The following PTPRN2 variants were observed in gnomAD, a reference collection of about 807,000 sequenced individuals.
The protein encoded by PTPRN2 is receptor-type tyrosine-protein phosphatase N2.
Under a neutral mutation model 118.8 loss-of-function variants are expected in PTPRN2, and 74 were observed. The ratio of observed to expected loss-of-function variants is 0.62; its 90% CI spans 0.52 to 0.76. The LOEUF is 0.76. Among genes scored for constraint, PTPRN2 ranks in the 30% least tolerant of loss-of-function variants. The probability of loss-of-function intolerance (pLI) is 0.00; values close to 1 mark genes in which losing one functional copy is unlikely to be tolerated. For synonymous variants in PTPRN2, 641 were observed against 608.0 expected (o/e 1.05, Z -0.80); for missense variants, 1,481 against 1,394.4 (o/e 1.06, Z -0.99).
rs1798684374 is a variant in PTPRN2, at chr7:158,273,560, AGCCGCAGGCACAGGG to A, written c.277+43244_277+43258del. Reference sequence around the variant, plus strand: ...CACGGGGAGCCGCAGACACAGGGGGAGCCGCAGGCACAGGGGGAGCCGCAGACAGACATGGGAGGA... The same window carrying A: ...CACGGGGAGCCGCAGACACAGGGGGAGGAGCCGCAGACAGACATGGGAGGA... On this transcript the variant is annotated intron_variant, in intron 3 of 22. Coordinates refer to ENST00000389418, the MANE Select transcript of PTPRN2 (RefSeq NM_002847.5). Among the ~76,000 whole-genome samples, 6 of 95,284 alleles carry A rather than the reference AGCCGCAGGCACAGGG, an allele frequency of 6.3e-5. 1 individual carries two copies. The highest frequency in any genetic ancestry group is 3.2e-4 in the African/African-American group (6 of 18,868). 62.5% of individuals were successfully genotyped at this position (95,284 alleles called of 152,430 possible).
At chr7:158,308,946 A>G (rs376570402) in intron 3 of PTPRN2, among the ~76,000 whole-genome samples, 14 of 152,328 alleles carry the variant, frequency 9.2e-5, no homozygotes, top group African/African-American at 3.4e-4. Flanking sequence ...AGAAAATTTG[A>G]ATATGCCTAT....
intron 3 of PTPRN2, among the ~76,000 whole-genome samples, chr7:158,246,222 A>C (rs533976148): frequency 6.6e-6 from 1 of 152,044 alleles, no homozygotes; most frequent in Non-Finnish European, 1.5e-5. Context: ...TAAATACCCC[A>C]CATGAATAAA....
chr7:158,223,264 A>C (rs568162016), intron 3 of PTPRN2, among the ~76,000 whole-genome samples: 2 of 152,364 alleles, frequency 1.3e-5, no homozygotes, highest in Non-Finnish European at 2.9e-5. Flanking sequence ...GAATTAAAAC[A>C]AATTCCATAA....
At chr7:158,283,277 G>A (rs776010343) in intron 3 of PTPRN2, among the ~76,000 whole-genome samples, 11 of 152,346 alleles carry the variant, frequency 7.2e-5, no homozygotes, top group Non-Finnish European at 1.0e-4. Flanking sequence ...GAAATGAACC[G>A]AGGCTGTGAG....
At chr7:158,046,263 T>C (rs1253033241) in intron 11 of PTPRN2, among the ~76,000 whole-genome samples, 2 of 147,328 alleles carry the variant, frequency 1.4e-5, no homozygotes, top group Non-Finnish European at 3.0e-5. Context: ...CACTGCCTTG[T>C]TCTGTCCAGG....
intron 2 of PTPRN2, among the ~76,000 whole-genome samples, chr7:158,455,862 G>GGATGGATGCCATCGGCCATGGC (rs1818431867): frequency 6.7e-6 from 1 of 148,630 alleles, no homozygotes; most frequent in Non-Finnish European, 1.5e-5. Context: ...GAACATAACA[G>GGATGGATGCCATCGGCCATGGC]CACGGATGCC....
chr7:157,899,788 A>ATAAC (rs1259532898), intron 11 of PTPRN2, among the ~76,000 whole-genome samples: 1 of 152,198 alleles, frequency 6.6e-6, no homozygotes, highest in East Asian at 1.9e-4. Flanking sequence ...TTTTCTACAT[A>ATAAC]TAACTAATTA....
intron 2 of PTPRN2, among the ~76,000 whole-genome samples, chr7:158,433,362 C>T (rs954430591): frequency 1.5e-4 from 23 of 152,120 alleles, no homozygotes; most frequent in African/African-American, 5.6e-4. Context: ...TCCACAGATA[C>T]GAACCAAGCT....
At chr7:158,212,904 A>C (rs936316470) in intron 3 of PTPRN2, among the ~76,000 whole-genome samples, 2 of 152,244 alleles carry the variant, frequency 1.3e-5, no homozygotes, top group Admixed American at 1.3e-4. Flanking sequence ...AAATGTTATG[A>C]CAAAGAGCTT....
intron 2 of PTPRN2, among the ~76,000 whole-genome samples, chr7:158,375,710 G>T (rs1459763055): frequency 6.6e-6 from 1 of 152,192 alleles, no homozygotes; most frequent in Admixed American, 6.5e-5. Flanking sequence ...CAAGCCCCAG[G>T]CTCCACTAGT....
At chr7:158,332,355 C>T (rs112118845) in intron 2 of PTPRN2, among the ~76,000 whole-genome samples, 3 of 150,400 alleles carry the variant, frequency 2.0e-5, no homozygotes, top group African/African-American at 7.4e-5. Flanking sequence ...ACACTCACAC[C>T]CACACTCTCA....
At chr7:158,477,055 A>G (rs1485132230) in intron 2 of PTPRN2, among the ~76,000 whole-genome samples, 3 of 152,210 alleles carry the variant, frequency 2.0e-5, no homozygotes, top group African/African-American at 4.8e-5. Flanking sequence ...ATTCGTTTCC[A>G]TCTCCTTTTA....
chr7:158,212,804 A>G (rs991965250), intron 3 of PTPRN2, among the ~76,000 whole-genome samples: 1 of 152,190 alleles, frequency 6.6e-6, no homozygotes, highest in Non-Finnish European at 1.5e-5. Context: ...CAGCAATTGG[A>G]ATGGAATAAG....
intron 12 of PTPRN2, among the ~76,000 whole-genome samples, chr7:157,710,706 C>A (rs1369375239): frequency 2.0e-5 from 3 of 152,216 alleles, no homozygotes; most frequent in Non-Finnish European, 2.9e-5. Context: ...TGGACTGGTG[C>A]CTACTGCCTG....
intron 14 of PTPRN2, among the ~76,000 whole-genome samples, chr7:157,653,096 G>A (rs1805780552): frequency 6.6e-6 from 1 of 152,216 alleles, no homozygotes; most frequent in African/African-American, 2.4e-5. Flanking sequence ...CTCCGCTCTT[G>A]GTGCTGAGCC....
At chr7:158,245,840 G>C (rs1043799591) in intron 3 of PTPRN2, among the ~76,000 whole-genome samples, 1 of 152,074 alleles carries the variant, frequency 6.6e-6, no homozygotes, top group East Asian at 1.9e-4. Context: ...CGCCAACCCC[G>C]GTGCCATGGT....
intron 1 of PTPRN2, among the ~76,000 whole-genome samples, chr7:158,528,530 T>C (rs1466361333): frequency 6.6e-6 from 1 of 151,772 alleles, no homozygotes; most frequent in Non-Finnish European, 1.5e-5. Context: ...CTCACACCTG[T>C]AATCCCAGCA....
At chr7:158,326,180 C>G (rs1200334765) in intron 2 of PTPRN2, among the ~76,000 whole-genome samples, 4 of 152,238 alleles carry the variant, frequency 2.6e-5, no homozygotes, top group African/African-American at 9.6e-5. Context: ...TGTGCTTCTT[C>G]AAGCTGGTCT....
At chr7:158,338,656 C>T in intron 2 of PTPRN2, among the ~76,000 whole-genome samples, 1 of 41,544 alleles carries the variant, frequency 2.4e-5, no homozygotes, top group Non-Finnish European at 4.2e-5. Flanking sequence ...CTGATGCCTG[C>T]AGACGTCACT....
Sources: gnomAD v4.1 joint callset for allele counts (sites outside exome capture counted in the v4.1 genomes callset) on GRCh38, gnomAD v4.1.1 for gene constraint, MANE v1.5 for transcripts, NCBI Gene and HGNC (gene_info 2026-07-23, HGNC 2026-07-21) for gene names.